Variants in ATP9B observed in about 807,000 individuals in gnomAD.
ATP9B encodes the protein probable phospholipid-transporting ATPase IIB.
In ATP9B, 110 loss-of-function variants were observed where a neutral mutation model predicts 146.1. The observed-to-expected ratio is 0.75, with a 90% CI of 0.65 to 0.88. The LOEUF (loss-of-function observed/expected upper bound fraction) is 0.88, where lower values mean the gene tolerates loss of function less well. Among genes scored for constraint, ATP9B ranks in the 40% least tolerant of loss-of-function variants. The probability of loss-of-function intolerance (pLI) is 0.00; values close to 1 mark genes in which losing one functional copy is unlikely to be tolerated. For synonymous variants in ATP9B, 604 were observed against 569.7 expected, an observed-to-expected ratio of 1.06 and a Z score of -0.86; for missense variants, 1,499 against 1,496.4, an observed-to-expected ratio of 1.00 and a Z score of -0.03.
At chr18:79,171,006 A>T (rs1263475542) in intron 7 of ATP9B, among the ~76,000 whole-genome samples, 1 of 152,102 alleles carries the variant, frequency 6.6e-6, no homozygotes, top group East Asian at 1.9e-4. Context: ...ATCTTCGTAG[A>T]TTTTCTTAAG....
intron 15 of ATP9B, among the ~76,000 whole-genome samples, chr18:79,327,882 T>TGTGCTCTCCGTGGTTAGC (rs2096766416): frequency 3.2e-5 from 1 of 30,898 alleles, no homozygotes. Flanking sequence ...CCATGGATAG[T>TGTGCTCTCCGTGGTTAGC]GTGCTCTCCG....
chr18:79,197,957 A>C (rs2095431934), intron 9 of ATP9B, among the ~76,000 whole-genome samples: 1 of 152,232 alleles, frequency 6.6e-6, no homozygotes. Context: ...AGAATATTAA[A>C]ATAACATTAG....
At chr18:79,072,537 C>T (rs558655497) in intron 1 of ATP9B, among the ~76,000 whole-genome samples, 3 of 152,088 alleles carry the variant, frequency 2.0e-5, no homozygotes, top group South Asian at 4.2e-4. Flanking sequence ...ATGGAGTCTC[C>T]TATGTCTACT....
intron 12 of ATP9B, among the ~76,000 whole-genome samples, chr18:79,257,183 C>T (rs753056482): frequency 6.6e-6 from 1 of 152,076 alleles, no homozygotes; most frequent in Non-Finnish European, 1.5e-5. Context: ...ACCTGTAATC[C>T]CACCTACTTG....
rs539298433 is a variant in ATP9B, at chr18:79,268,947, C to A, written c.1269-8107C>A. 7.9e-5 allele frequency among the ~76,000 whole-genome samples: 12 copies of A among 152,288 alleles called. No individual in the cohort carries two copies. In the East Asian group the frequency reaches 1.7e-3, roughly 22 times the overall value. On this transcript the variant is annotated intron_variant, in intron 12 of 29. Transcript: ENST00000426216. ...TGTTACTGCTTTTAAGACTTCACTT[C>A]TTTGGGTCCTTCCATCTCTTCCAGC...
intron 25 of ATP9B, chr18:79,352,353 C>G (rs1408895426): frequency 2.6e-5 from 4 of 152,164 alleles, no homozygotes; most frequent in African/African-American, 9.6e-5. Context: ...CTCGGGGAGC[C>G]GTGTCCAGAC....
intron 2 of ATP9B, among the ~76,000 whole-genome samples, chr18:79,108,990 G>C (rs1213796135): frequency 6.6e-6 from 1 of 152,182 alleles, no homozygotes; most frequent in Admixed American, 6.5e-5. Context: ...TAAGGGTGTG[G>C]CACTCCAGCA....
At chr18:79,352,667 A>C (rs2096928798) in intron 25 of ATP9B, 1 of 152,134 alleles carries the variant, frequency 6.6e-6, no homozygotes, top group Non-Finnish European at 1.5e-5. Flanking sequence ...CTGTGTTTCA[A>C]GAGTCCTTGT....
chr18:79,097,481 T>A (rs1015330873), intron 2 of ATP9B, among the ~76,000 whole-genome samples: 7 of 151,332 alleles, frequency 4.6e-5, no homozygotes, highest in East Asian at 3.9e-4. Flanking sequence ...TTAATTTTTT[T>A]AATTTTTTAT....
chr18:79,136,171 G>A (rs1205319989), intron 5 of ATP9B, among the ~76,000 whole-genome samples: 2 of 152,194 alleles, frequency 1.3e-5, no homozygotes, highest in Non-Finnish European at 1.5e-5. Flanking sequence ...TAATACTAGT[G>A]TATTATTTGG....
At chr18:79,213,397 C>T (rs1000513314) in intron 10 of ATP9B, among the ~76,000 whole-genome samples, 9 of 151,874 alleles carry the variant, frequency 5.9e-5, no homozygotes, top group Non-Finnish European at 1.3e-4. Context: ...ATCTTTTTGA[C>T]GTGTAAAAGA....
chr18:79,312,098 G>A (rs1048283071), intron 15 of ATP9B, among the ~76,000 whole-genome samples: 1 of 152,058 alleles, frequency 6.6e-6, no homozygotes, highest in Non-Finnish European at 1.5e-5. Flanking sequence ...GTCTGCTCAC[G>A]CGCCTTCGCC....
rs114033912 is a variant in ATP9B, at chr18:79,194,891, A to G, written c.954+1628A>G. ...CATCCAGGTTTTGCACACAGAAGAA[A>G]ATAATGCATCCTGTGAATGACTTGG... On this transcript the variant is annotated intron_variant, in intron 9 of 29. Transcript: ENST00000426216. Among the ~76,000 whole-genome samples the G allele has an allele frequency of 3.4e-3, 522 of 152,354 alleles. 6 individuals carry two copies. Among genetic ancestry groups the G allele is most frequent in the African/African-American group, 0.012 (493 of 41,588 alleles).
intron 7 of ATP9B, among the ~76,000 whole-genome samples, chr18:79,166,061 T>G (rs191998805): frequency 3.8e-4 from 58 of 152,190 alleles, no homozygotes; most frequent in African/African-American, 1.3e-3. Context: ...TGTCCCCAGC[T>G]CCAATGCCAT....
intron 4 of ATP9B, among the ~76,000 whole-genome samples, chr18:79,121,154 C>T (rs1452449545): frequency 1.3e-5 from 2 of 152,166 alleles, no homozygotes; most frequent in Admixed American, 1.3e-4. Flanking sequence ...CCCTCAAAGG[C>T]ACATCAATAA....
intron 9 of ATP9B, among the ~76,000 whole-genome samples, chr18:79,198,691 T>C (rs566203744): frequency 1.3e-4 from 20 of 152,312 alleles, no homozygotes; most frequent in Non-Finnish European, 2.2e-4. Context: ...AGTATCTGTG[T>C]ATCTAACCAT....
chr18:79,367,433 G>A (rs113602583), intron 26 of ATP9B, among the ~76,000 whole-genome samples: 4 of 111,914 alleles, frequency 3.6e-5, no homozygotes, highest in East Asian at 3.0e-4. Flanking sequence ...CACCTCCACC[G>A]TGTGTACGCA....
intron 1 of ATP9B, among the ~76,000 whole-genome samples, chr18:79,087,882 T>C (rs1368170167): frequency 2.0e-5 from 3 of 152,228 alleles, no homozygotes; most frequent in African/African-American, 7.2e-5. Flanking sequence ...TGTTCATAAT[T>C]GTTTTTACTC....
In ATP9B at chr18:79,375,691, C is replaced by T. The variant is rs1401949489; in HGVS notation, c.3307+265C>T. 6.1e-6 allele frequency: 6 copies of T among 985,346 alleles called. No individual in the cohort carries two copies. The African/African-American group carries it at 1.0e-4, about 17-fold the overall frequency. The allele number at this position is 985,346 out of a possible 1,614,324, so 61.0% of individuals were successfully genotyped here. A position where few individuals can be genotyped will look rare whatever the true frequency, so the allele number is the denominator to read the frequency against. On this transcript the variant is annotated intron_variant, in intron 29 of 29. Coordinates refer to ENST00000426216, the MANE Select transcript of ATP9B (RefSeq NM_198531.5). The stretch of plus-strand genomic sequence containing the variant: ...CATCTGCTGAGGATTGCATGAGCCC[C>T]TAAAACATATTTGCCTTTTCAGTTG...
Sources: gnomAD v4.1 joint callset for allele counts (sites outside exome capture counted in the v4.1 genomes callset) on GRCh38, gnomAD v4.1.1 for gene constraint, MANE v1.5 for transcripts, NCBI Gene and HGNC (gene_info 2026-07-23, HGNC 2026-07-21) for gene names.